The following RBMS1 variants were observed in gnomAD, a reference collection of about 807,000 sequenced individuals.
RBMS1 encodes the protein RNA-binding motif, single-stranded-interacting protein 1.
Under a neutral mutation model 62.3 loss-of-function variants are expected in RBMS1, and 17 were observed. That is an observed-to-expected ratio of 0.27 (90% CI 0.19 to 0.41). The LOEUF is 0.41. Among genes scored for constraint, RBMS1 ranks in the 10% least tolerant of loss-of-function variants. The pLI is 1.00. For synonymous variants in RBMS1, 172 were observed against 170.0 expected (o/e 1.01, Z -0.09); for missense variants, 334 against 504.5 (o/e 0.66, Z 3.24).
intron 1 of RBMS1, among the ~76,000 whole-genome samples, chr2:160,410,178 C>T (rs2105251568): frequency 7.2e-6 from 1 of 138,916 alleles, no homozygotes; most frequent in African/African-American, 2.7e-5. Flanking sequence ...GCCGAGATCA[C>T]GCCGCTGCAC....
At chr2:160,417,419 T>C (rs1696251304) in intron 1 of RBMS1, among the ~76,000 whole-genome samples, 1 of 152,228 alleles carries the variant, frequency 6.6e-6, no homozygotes, top group African/African-American at 2.4e-5. Flanking sequence ...TATGACCAAA[T>C]AGTTTCTCTT....
chr2:160,425,461 C>T (rs953817366), intron 1 of RBMS1, among the ~76,000 whole-genome samples: 1 of 152,122 alleles, frequency 6.6e-6, no homozygotes, highest in Admixed American at 6.6e-5. Flanking sequence ...TACAGGGAGT[C>T]TAAAACCACC....
rs1369905921 is a variant in RBMS1, at chr2:160,493,702, G to A, written c.-339C>T. ...CTCCGGGGCTGCCAAGGGCTGGCGCGCTGGCCGCGGTCCGCTCGGGCGAGC... is the reference window on the plus strand; with the variant it reads ...CTCCGGGGCTGCCAAGGGCTGGCGCACTGGCCGCGGTCCGCTCGGGCGAGC... On this transcript the variant is annotated 5_prime_UTR_variant, in exon 1 of 14. Coordinates refer to ENST00000348849, the MANE Select transcript of RBMS1 (RefSeq NM_016836.4). 5 of 389,352 alleles carry A rather than the reference G, an allele frequency of 1.3e-5. No homozygotes were observed. The highest frequency in any genetic ancestry group is 2.4e-5 in the Non-Finnish European group (5 of 211,786). 24.1% of individuals were successfully genotyped at this position (389,352 alleles called of 1,614,324 possible).
Position 160,320,542 on chromosome 2 carries a change from T to A in RBMS1, c.252-2315A>T, listed in dbSNP as rs1385985467. On this transcript the variant is annotated intron_variant, in intron 2 of 13. Coordinates refer to ENST00000348849, the MANE Select transcript of RBMS1 (RefSeq NM_016836.4). ...GAGGTGTCTGGGTTGTGGGGGTGGA[T>A]CCCTCATGAATAGCTTGGTGCCATC... Among the ~76,000 whole-genome samples, 3 of 152,114 alleles carry A rather than the reference T, an allele frequency of 2.0e-5. No individual in the cohort carries two copies. In the East Asian group the frequency reaches 5.8e-4, roughly 29 times the overall value.
chr2:160,479,768 A>C lies in RBMS1; in HGVS notation c.75+13521T>G, dbSNP rs147579735. Among the ~76,000 whole-genome samples, 1,040 of 152,272 alleles carry C rather than the reference A, an allele frequency of 6.8e-3. 14 individuals carry two copies. Among genetic ancestry groups the C allele is most frequent in the African/African-American group, 0.024 (997 of 41,556 alleles). On this transcript the variant is annotated intron_variant, in intron 1 of 13. Coordinates refer to ENST00000348849, the MANE Select transcript of RBMS1 (RefSeq NM_016836.4). ...CTAGATGATCTTAAAGTTCCTTCCC[A>C]TTCTAACATTCTGTGATTCTTGGAT...
intron 1 of RBMS1, among the ~76,000 whole-genome samples, chr2:160,474,595 A>G (rs1322657625): frequency 6.6e-6 from 1 of 152,266 alleles, no homozygotes; most frequent in Non-Finnish European, 1.5e-5. Context: ...TGAATTGTAC[A>G]CAAAAAATGG....
At chr2:160,371,658 T>C (rs1176163236) in intron 1 of RBMS1, among the ~76,000 whole-genome samples, 2 of 152,228 alleles carry the variant, frequency 1.3e-5, no homozygotes, top group African/African-American at 4.8e-5. Context: ...CCTCAGCCTT[T>C]CCTGCACGAG....
chr2:160,337,130 CTTTTCTTTT>C (rs1691618774), intron 2 of RBMS1, among the ~76,000 whole-genome samples: 2 of 141,940 alleles, frequency 1.4e-5, no homozygotes, highest in South Asian at 4.8e-4. Context: ...TTTTCTTTTT[CTTTTCTTTT>C]TTTTTTTTTT....
chr2:160,277,485 A>G, intron 11 of RBMS1, 102 bp from the exon 12 acceptor site: 1 of 855,614 alleles, frequency 1.2e-6, no homozygotes, highest in Non-Finnish European at 1.9e-6. Context: ...GGAAATCTCA[A>G]AGAAGAAATT....
At chr2:160,358,956 C>T (rs913672467) in intron 2 of RBMS1, among the ~76,000 whole-genome samples, 3 of 151,380 alleles carry the variant, frequency 2.0e-5, no homozygotes, top group Admixed American at 6.6e-5. Context: ...TTAAAAAAAA[C>T]AGAAAATTCA....
rs533676708 is a variant in RBMS1, at chr2:160,434,976, A to G, written c.75+58313T>C. On this transcript the variant is annotated intron_variant, in intron 1 of 13. Transcript: ENST00000348849. Reference sequence around the variant, plus strand: ...AAAGACAAGCCCGACCCTGAGTCCTATTGTTACTGTTCTGCCATCTTACCC... The same window carrying G: ...AAAGACAAGCCCGACCCTGAGTCCTGTTGTTACTGTTCTGCCATCTTACCC... 2.4e-3 allele frequency among the ~76,000 whole-genome samples: 366 copies of G among 152,312 alleles called. 2 individuals carry two copies. Among genetic ancestry groups the G allele is most frequent in the African/African-American group, 8.4e-3 (350 of 41,574 alleles).
At chr2:160,315,187 C>T (rs1690142461) in intron 3 of RBMS1, among the ~76,000 whole-genome samples, 1 of 152,130 alleles carries the variant, frequency 6.6e-6, no homozygotes, top group African/African-American at 2.4e-5. Flanking sequence ...TGTTTACATC[C>T]TTTTCTGGCC....
chr2:160,440,573 C>A (rs1683372053), intron 1 of RBMS1, among the ~76,000 whole-genome samples: 1 of 152,212 alleles, frequency 6.6e-6, no homozygotes, highest in Non-Finnish European at 1.5e-5. Flanking sequence ...CCCCCACCCT[C>A]ACCAAAATCT....
At chr2:160,360,761 C>T (rs1388596426) in intron 2 of RBMS1, among the ~76,000 whole-genome samples, 2 of 152,298 alleles carry the variant, frequency 1.3e-5, no homozygotes, top group East Asian at 3.9e-4. Flanking sequence ...TACCCCAATT[C>T]CTTCACATCA....
At chr2:160,306,822 A>G (rs1003596371) in intron 4 of RBMS1, among the ~76,000 whole-genome samples, 6 of 152,044 alleles carry the variant, frequency 3.9e-5, no homozygotes, top group African/African-American at 1.4e-4. Flanking sequence ...AATGCATGTG[A>G]TAACTGGTGG....
chr2:160,461,636 A>T (rs1684469584), intron 1 of RBMS1, among the ~76,000 whole-genome samples: 1 of 152,234 alleles, frequency 6.6e-6, no homozygotes, highest in African/African-American at 2.4e-5. Flanking sequence ...GCTGCAGAAG[A>T]TACCCCAGCT....
chr2:160,318,105 G>C, intron 3 of RBMS1, 64 bp downstream of exon 3: 1 of 1,564,026 alleles, frequency 6.4e-7, no homozygotes, highest in South Asian at 1.2e-5. Context: ...CCAAAGATCA[G>C]GTTTTAAATT....
intron 1 of RBMS1, among the ~76,000 whole-genome samples, chr2:160,448,293 C>A (rs1683753129): frequency 6.7e-6 from 1 of 149,522 alleles, no homozygotes; most frequent in South Asian, 2.2e-4. Context: ...CCCTCCCCCT[C>A]CCCCTCCCCC....
intron 1 of RBMS1, among the ~76,000 whole-genome samples, chr2:160,401,025 A>G (rs1166082585): frequency 6.6e-6 from 1 of 152,114 alleles, no homozygotes; most frequent in African/African-American, 2.4e-5. Flanking sequence ...TTGATAGCCA[A>G]AGGACTGCAT....
Sources: gnomAD v4.1 joint callset for allele counts (sites outside exome capture counted in the v4.1 genomes callset) on GRCh38, gnomAD v4.1.1 for gene constraint, MANE v1.5 for transcripts, NCBI Gene and HGNC (gene_info 2026-07-23, HGNC 2026-07-21) for gene names.